FRMPD4: variants seen among roughly 807,000 people sequenced by gnomAD.
FRMPD4 encodes FERM and PDZ domain-containing protein 4.
Under a neutral mutation model 94.1 loss-of-function variants are expected in FRMPD4, and 22 were observed. The ratio of observed to expected loss-of-function variants is 0.23; its 90% CI spans 0.17 to 0.33. The LOEUF (loss-of-function observed/expected upper bound fraction) is 0.33. Ranked by LOEUF, FRMPD4 falls within the 10% of genes least tolerant of loss-of-function variation. FRMPD4 has a pLI of 1.00. For synonymous variants in FRMPD4, 631 were observed against 548.6 expected (o/e 1.15, Z -2.10); for missense variants, 1,111 against 1,339.9 (o/e 0.83, Z 2.67).
At chrX:12,175,360 G>T (rs1759235065) in intron 1 of FRMPD4, among the ~76,000 whole-genome samples, 1 of 111,734 alleles carries the variant, frequency 8.9e-6, no homozygotes, top group South Asian at 3.8e-4. Flanking sequence ...TCAATTTCCA[G>T]TTCTAAGTGG....
At chrX:12,063,172 C>G (rs1398583058) in intron 3 of FRMPD4, among the ~76,000 whole-genome samples, 1 of 111,268 alleles carries the variant, frequency 9.0e-6, no homozygotes, top group Non-Finnish European at 1.9e-5. Flanking sequence ...GAGTTTGAGA[C>G]CAGCCTGGAC....
At chrX:12,174,690 A>G (rs1394754970) in intron 1 of FRMPD4, among the ~76,000 whole-genome samples, 1 of 111,498 alleles carries the variant, frequency 9.0e-6, no homozygotes, top group Admixed American at 9.5e-5. Context: ...AATAACAAAC[A>G]CAGAGACCCC....
At chrX:11,886,017 A>G (rs1022484986) in intron 3 of FRMPD4, among the ~76,000 whole-genome samples, 38 of 111,809 alleles carry the variant, frequency 3.4e-4, no homozygotes, top group African/African-American at 1.2e-3. Flanking sequence ...CTATACTTTT[A>G]GTGGCTGAGA....
chrX:12,451,366 G>C (rs1369553726), intron 1 of FRMPD4, among the ~76,000 whole-genome samples: 1 of 111,845 alleles, frequency 8.9e-6, no homozygotes, highest in Non-Finnish European at 1.9e-5. Flanking sequence ...TGGTTTTGAA[G>C]AATCTCTTTT....
At chrX:12,598,861 T>G (rs2059057407) in intron 2 of FRMPD4, among the ~76,000 whole-genome samples, 1 of 103,940 alleles carries the variant, frequency 9.6e-6, no homozygotes, top group South Asian at 4.0e-4. Context: ...GCCTTTATTA[T>G]GTAATCACTT....
chrX:12,439,686 G>T (rs2148119803), intron 1 of FRMPD4, among the ~76,000 whole-genome samples: 1 of 111,925 alleles, frequency 8.9e-6, no homozygotes, highest in East Asian at 2.8e-4. Flanking sequence ...TTATTCAAAG[G>T]CAAGGGAAAT....
At chrX:12,681,715 A>ACG (rs1556007895) in intron 5 of FRMPD4, among the ~76,000 whole-genome samples, 1 of 110,212 alleles carries the variant, frequency 9.1e-6, no homozygotes, top group Admixed American at 9.7e-5. Context: ...ACACACACAC[A>ACG]CACGCACGCA....
At chrX:11,991,976 A>G (rs1342918311) in intron 3 of FRMPD4, among the ~76,000 whole-genome samples, 1 of 111,686 alleles carries the variant, frequency 9.0e-6, no homozygotes, top group Non-Finnish European at 1.9e-5. Context: ...ATTGCATTGA[A>G]GTTTTATTGC....
At chrX:12,440,004 G>A (rs181681236) in intron 1 of FRMPD4, among the ~76,000 whole-genome samples, 1 of 111,659 alleles carries the variant, frequency 9.0e-6, no homozygotes, top group East Asian at 2.8e-4. Context: ...CCCGTATGAC[G>A]TTTAAAAAGT....
At chrX:11,920,319 A>G (rs187275601) in intron 3 of FRMPD4, among the ~76,000 whole-genome samples, 16 of 112,247 alleles carry the variant, frequency 1.4e-4, no homozygotes, top group Admixed American at 9.4e-4. Context: ...TCAGCTGCAC[A>G]GTGGCCCTAT....
At chrX:12,505,110 G>T (rs2057966207) in intron 2 of FRMPD4, among the ~76,000 whole-genome samples, 1 of 111,807 alleles carries the variant, frequency 8.9e-6, no homozygotes, top group Admixed American at 9.5e-5. Flanking sequence ...TCACAGGGAT[G>T]GCCAACCTGT....
intron 1 of FRMPD4, among the ~76,000 whole-genome samples, chrX:12,279,857 A>G (rs761053731): frequency 3.0e-4 from 33 of 110,822 alleles, no homozygotes; most frequent in African/African-American, 1.0e-3. Context: ...GGAGAGGAGC[A>G]CCATGGCCAT....
At chrX:12,034,208 C>T (rs2054707717) in intron 3 of FRMPD4, among the ~76,000 whole-genome samples, 2 of 112,217 alleles carry the variant, frequency 1.8e-5, no homozygotes, top group Admixed American at 9.4e-5. Flanking sequence ...ACTGTCAACA[C>T]ATTTAAGAAG....
intron 1 of FRMPD4, among the ~76,000 whole-genome samples, chrX:12,294,488 A>ATC (rs1383912364): frequency 9.0e-6 from 1 of 110,614 alleles, no homozygotes; most frequent in Non-Finnish European, 1.9e-5. Context: ...ACACACACAG[A>ATC]GAGAGAGAGA....
intron 2 of FRMPD4, among the ~76,000 whole-genome samples, chrX:11,873,042 G>A (rs1383877138): frequency 1.8e-5 from 2 of 111,806 alleles, no homozygotes; most frequent in Non-Finnish European, 3.8e-5. Flanking sequence ...GTATATGCCT[G>A]AGAGCACCAA....
chrX:12,168,199 T>C (rs1481300436), intron 1 of FRMPD4, among the ~76,000 whole-genome samples: 1 of 111,563 alleles, frequency 9.0e-6, no homozygotes, highest in Non-Finnish European at 1.9e-5. Flanking sequence ...TGTCTAGGAC[T>C]CGGAACAACT....
At chrX:12,454,655 G>C (rs1173679350) in intron 1 of FRMPD4, among the ~76,000 whole-genome samples, 1 of 110,418 alleles carries the variant, frequency 9.1e-6, no homozygotes, top group Non-Finnish European at 1.9e-5. Flanking sequence ...ACATACTGGT[G>C]ATGTGTTCTA....
chrX:11,893,611 T>G (rs1010898341), intron 3 of FRMPD4, among the ~76,000 whole-genome samples: 2 of 112,270 alleles, frequency 1.8e-5, no homozygotes, highest in Non-Finnish European at 3.8e-5. Context: ...ATAAGAATCT[T>G]TGGCTAACTA....
At chrX:12,164,309 G>C (rs1160317100) in intron 1 of FRMPD4, among the ~76,000 whole-genome samples, 1 of 110,068 alleles carries the variant, frequency 9.1e-6, no homozygotes, top group Non-Finnish European at 1.9e-5. Context: ...TGTTTTTTTT[G>C]TCCTTGCGAT....
Sources: gnomAD v4.1 joint callset for allele counts (sites outside exome capture counted in the v4.1 genomes callset) on GRCh38, gnomAD v4.1.1 for gene constraint, MANE v1.5 for transcripts, NCBI Gene and HGNC (gene_info 2026-07-23, HGNC 2026-07-21) for gene names.